Variants in ASIC2 observed in about 807,000 individuals in gnomAD.
The protein encoded by ASIC2 is acid sensing ion channel subunit 2, also known as acid-sensing ion channel 2.
Under a neutral mutation model 57.3 loss-of-function variants are expected in ASIC2, and 25 were observed. That is an observed-to-expected ratio of 0.44 (90% CI 0.32 to 0.61). The LOEUF (loss-of-function observed/expected upper bound fraction) is 0.61. ASIC2 is among the 20% of genes least tolerant of loss of function. ASIC2 has a pLI of 0.06. For synonymous variants in ASIC2, 319 were observed against 307.5 expected, an observed-to-expected ratio of 1.04 and a Z score of -0.39; for missense variants, 641 against 738.1, an observed-to-expected ratio of 0.87 and a Z score of 1.52.
intron 1 of ASIC2, among the ~76,000 whole-genome samples, chr17:33,725,803 G>A (rs1417492503): frequency 1.4e-5 from 2 of 146,980 alleles, no homozygotes; most frequent in African/African-American, 5.0e-5. Flanking sequence ...TGAGAATTCC[G>A]AGGGATTCCA....
chr17:33,376,833 G>A (rs541920407), intron 1 of ASIC2, among the ~76,000 whole-genome samples: 6 of 152,002 alleles, frequency 3.9e-5, no homozygotes, highest in East Asian at 1.9e-4. Context: ...CTCATGTAGC[G>A]GTTGTTGGGC....
intron 1 of ASIC2, among the ~76,000 whole-genome samples, chr17:34,133,612 C>G (rs1247540964): frequency 6.6e-6 from 1 of 152,224 alleles, no homozygotes; most frequent in Non-Finnish European, 1.5e-5. Flanking sequence ...CTTCGTAGGG[C>G]CTGGCACCAG....
chr17:33,883,209 C>A (rs1027134955), intron 1 of ASIC2, among the ~76,000 whole-genome samples: 5 of 151,952 alleles, frequency 3.3e-5, no homozygotes, highest in Non-Finnish European at 7.4e-5. Flanking sequence ...CAAACCTGCA[C>A]GTTGTGCACA....
intron 1 of ASIC2, among the ~76,000 whole-genome samples, chr17:33,771,190 C>A (rs1456783427): frequency 6.6e-6 from 1 of 152,156 alleles, no homozygotes; most frequent in African/African-American, 2.4e-5. Context: ...CTGGTGTGTT[C>A]TGGGTGGATG....
chr17:33,703,298 C>G (rs1405873254), intron 1 of ASIC2, among the ~76,000 whole-genome samples: 1 of 149,934 alleles, frequency 6.7e-6, no homozygotes, highest in Non-Finnish European at 1.5e-5. Flanking sequence ...AATAGAGACT[C>G]TTTGGTAGTT....
chr17:33,307,708 T>C (rs1308992905), intron 1 of ASIC2, among the ~76,000 whole-genome samples: 1 of 152,216 alleles, frequency 6.6e-6, no homozygotes, highest in Non-Finnish European at 1.5e-5. Flanking sequence ...TTCTTTTCCA[T>C]TGCAAGCTGG....
chr17:33,207,024 A>G (rs1184853832), intron 1 of ASIC2, among the ~76,000 whole-genome samples: 1 of 152,102 alleles, frequency 6.6e-6, no homozygotes, highest in Non-Finnish European at 1.5e-5. Context: ...AATTGTGTTT[A>G]ATAATTCCCG....
chr17:33,160,938 GA>G (rs1905144121), intron 1 of ASIC2, among the ~76,000 whole-genome samples: 1 of 152,204 alleles, frequency 6.6e-6, no homozygotes, highest in African/African-American at 2.4e-5. Flanking sequence ...CTTTGAAACT[GA>G]AGCTAGTAAA....
chr17:33,689,307 G>A (rs1908291695), intron 1 of ASIC2: 1 of 152,276 alleles, frequency 6.6e-6, no homozygotes, highest in Non-Finnish European at 1.5e-5. Context: ...CTGGGCTCAA[G>A]TGATCCTCCC....
intron 1 of ASIC2, among the ~76,000 whole-genome samples, chr17:33,510,010 C>G (rs1914384143): frequency 6.6e-6 from 1 of 152,222 alleles, no homozygotes; most frequent in Non-Finnish European, 1.5e-5. Flanking sequence ...GTTCCCTTCT[C>G]TTTAAATAGC....
intron 1 of ASIC2, among the ~76,000 whole-genome samples, chr17:33,540,010 G>C (rs1006336627): frequency 2.6e-5 from 4 of 152,142 alleles, no homozygotes; most frequent in Non-Finnish European, 5.9e-5. Flanking sequence ...CATTTCCTTG[G>C]GCTGCCATAA....
intron 1 of ASIC2, chr17:34,143,072 T>C (rs180827647): frequency 2.6e-5 from 4 of 152,260 alleles, no homozygotes; most frequent in Admixed American, 2.6e-4. Flanking sequence ...CTGGCAGAGC[T>C]GGAAGGTTAG....
At chr17:34,097,566 G>A (rs76111743) in intron 1 of ASIC2, among the ~76,000 whole-genome samples, 17,587 of 152,186 alleles carry the variant, frequency 0.12, 1,103 homozygotes, top group Admixed American at 0.18. Context: ...TAGGGCTGAT[G>A]TTCTTGTGAG....
chr17:33,048,269 C>T (rs1352831802), intron 3 of ASIC2, among the ~76,000 whole-genome samples: 1 of 152,162 alleles, frequency 6.6e-6, no homozygotes, highest in Non-Finnish European at 1.5e-5. Flanking sequence ...GGCACTCAAC[C>T]TGTGGCATTT....
intron 1 of ASIC2, among the ~76,000 whole-genome samples, chr17:33,187,830 G>A (rs1273036857): frequency 6.7e-6 from 1 of 148,158 alleles, no homozygotes; most frequent in African/African-American, 2.5e-5. Flanking sequence ...AACATTTAAA[G>A]GAACTGAAAA....
chr17:33,660,581 A>G (rs567993243), intron 1 of ASIC2, among the ~76,000 whole-genome samples: 269 of 152,368 alleles, frequency 1.8e-3, no homozygotes, highest in Middle Eastern at 3.4e-3. Flanking sequence ...TAATAAATAC[A>G]TAAACCAGTA....
intron 1 of ASIC2, among the ~76,000 whole-genome samples, chr17:33,471,767 C>T (rs1275313964): frequency 6.6e-6 from 1 of 151,990 alleles, no homozygotes; most frequent in African/African-American, 2.4e-5. Context: ...TCTTATTTAA[C>T]CACAATGAAG....
intron 1 of ASIC2, among the ~76,000 whole-genome samples, chr17:33,486,540 G>A (rs1234377403): frequency 6.6e-6 from 1 of 152,222 alleles, no homozygotes; most frequent in Non-Finnish European, 1.5e-5. Context: ...CAATGGTCAA[G>A]AGACTTCATC....
chr17:33,521,958 G>A (rs55973454), intron 1 of ASIC2, among the ~76,000 whole-genome samples: 43,560 of 152,136 alleles, frequency 0.29, 6,342 homozygotes, highest in African/African-American at 0.35. Context: ...ACTGCGGGCA[G>A]TGTGGTTCAG....
Sources: allele counts gnomAD v4.1 joint callset (sites outside exome capture counted in the v4.1 genomes callset), GRCh38; gene constraint gnomAD v4.1.1; transcripts MANE v1.5; gene names NCBI Gene and HGNC (gene_info 2026-07-23, HGNC 2026-07-21).